The following DENND5B variants were observed in gnomAD, a reference collection of about 807,000 sequenced individuals.
DENND5B encodes DENN domain containing 5B.
A neutral mutation model predicts 140.6 loss-of-function variants in DENND5B; 34 were observed. The ratio of observed to expected loss-of-function variants is 0.24; its 90% CI spans 0.18 to 0.32. DENND5B has a LOEUF of 0.32. Ranked by LOEUF, DENND5B falls within the 10% of genes least tolerant of loss-of-function variation. DENND5B has a pLI of 1.00. For synonymous variants in DENND5B, 551 were observed against 562.1 expected (o/e 0.98, Z 0.28); for missense variants, 1,142 against 1,560.2 (o/e 0.73, Z 4.52).
rs118116448 is a variant in DENND5B at position 31,432,314 on chromosome 12, G to A, written c.2106+841C>T. 4.5e-3 allele frequency: 697 copies of A among 155,688 alleles called. 4 individuals carry two copies. Among genetic ancestry groups the A allele is most frequent in the Non-Finnish European group, 7.4e-3 (526 of 71,308 alleles). 9.6% of individuals were successfully genotyped at this position (155,688 alleles called of 1,614,324 possible). On this transcript the variant is annotated intron_variant, in intron 8 of 20. Transcript: ENST00000389082. Reference sequence around the variant, plus strand: ...AAAAAAAAAGCACTACACAGGTGATGCCTCAGTTCTTAATAAAATGTTTAA... The same window carrying A: ...AAAAAAAAAGCACTACACAGGTGATACCTCAGTTCTTAATAAAATGTTTAA...
chr12:31,444,763 C>T (rs924342727), intron 6 of DENND5B, among the ~76,000 whole-genome samples: 2 of 152,180 alleles, frequency 1.3e-5, no homozygotes, highest in Non-Finnish European at 2.9e-5. Flanking sequence ...TATTAAGGCA[C>T]TGGAAGTCAT....
At chr12:31,425,228 C>T (rs1200897777) in intron 9 of DENND5B, among the ~76,000 whole-genome samples, 1 of 152,194 alleles carries the variant, frequency 6.6e-6, no homozygotes, top group Admixed American at 6.5e-5. Context: ...AGAAGAATTG[C>T]TTGAACCCAG....
chr12:31,549,054 C>T (rs1879385), intron 1 of DENND5B, among the ~76,000 whole-genome samples: 52,438 of 151,942 alleles, frequency 0.35, 10,771 homozygotes, highest in East Asian at 0.57. Context: ...TGCCACTATA[C>T]CTGGCTAATT....
chr12:31,422,794 T>TA (rs1193623595), intron 11 of DENND5B, among the ~76,000 whole-genome samples: 2 of 152,266 alleles, frequency 1.3e-5, no homozygotes, highest in East Asian at 1.9e-4. Context: ...ACACTTAGCT[T>TA]AAAAAATCCT....
intron 1 of DENND5B, among the ~76,000 whole-genome samples, chr12:31,583,308 AAG>A (rs58081768): frequency 2.7e-4 from 40 of 145,492 alleles, no homozygotes; most frequent in East Asian, 8.1e-4. Flanking sequence ...AAAAAAAAAA[AAG>A]AGAGAGAGAG....
At chr12:31,442,478 G>C (rs767225839) in intron 7 of DENND5B, among the ~76,000 whole-genome samples, 1 of 151,902 alleles carries the variant, frequency 6.6e-6, no homozygotes, top group Non-Finnish European at 1.5e-5. Flanking sequence ...AATTCCATTA[G>C]ATAGTATTAT....
chr12:31,389,315 G>T lies in DENND5B; in HGVS notation c.3641+9C>A. ...CAAAGATAGGGAAAATAAAAAACTG[G>T]TTTTGTACCTTGTTCCAAGGCAAAC... On this transcript the variant is annotated intron_variant, in intron 20 of 20. Transcript: ENST00000389082. 1 of 1,609,070 alleles carries T rather than the reference G, an allele frequency of 6.2e-7. No individual in the cohort carries two copies. Among genetic ancestry groups the T allele is most frequent in the Non-Finnish European group, 8.5e-7 (1 of 1,177,524 alleles).
At chr12:31,397,282 C>T (rs888888460) in intron 17 of DENND5B, among the ~76,000 whole-genome samples, 1 of 152,108 alleles carries the variant, frequency 6.6e-6, no homozygotes, top group East Asian at 1.9e-4. Context: ...GGCGTGGTGG[C>T]TCATGCCTCT....
intron 11 of DENND5B, among the ~76,000 whole-genome samples, chr12:31,421,813 A>T (rs1180668977): frequency 6.6e-6 from 1 of 152,050 alleles, no homozygotes; most frequent in Non-Finnish European, 1.5e-5. Flanking sequence ...TGCCCTCCCA[A>T]AGTGTTGGGA....
At chr12:31,468,282 G>T (rs901212982) in intron 3 of DENND5B, among the ~76,000 whole-genome samples, 10 of 151,344 alleles carry the variant, frequency 6.6e-5, no homozygotes, top group African/African-American at 2.2e-4. Context: ...TTTATTTTTA[G>T]AATTCAATGA....
rs1947094474 is a variant in DENND5B at position 31,503,717 on chromosome 12, A to G, written c.128-7798T>C. On this transcript the variant is annotated intron_variant, in intron 1 of 20. Transcript: ENST00000389082. ...CTATGTTCAGGTTATCACTAGGAAT[A>G]TTTACCAATAGTTCCAATTACTTCA... is the stretch of plus-strand genomic sequence containing the variant. 2.0e-5 allele frequency among the ~76,000 whole-genome samples: 3 copies of G among 152,344 alleles called. No individual in the cohort carries two copies. The South Asian group carries it at 6.2e-4, about 32-fold the overall frequency.
intron 3 of DENND5B, among the ~76,000 whole-genome samples, chr12:31,474,182 C>A (rs757143589): frequency 1.1e-4 from 16 of 152,204 alleles, no homozygotes; most frequent in Non-Finnish European, 1.5e-4. Flanking sequence ...CAAAGGCACA[C>A]AGGCATGCAG....
At chr12:31,515,339 T>C (rs533006629) in intron 1 of DENND5B, among the ~76,000 whole-genome samples, 72 of 152,234 alleles carry the variant, frequency 4.7e-4, no homozygotes, top group Non-Finnish European at 9.1e-4. Flanking sequence ...AAAATTGCGA[T>C]TATAATTATA....
chr12:31,397,557 A>AAAAAC, intron 17 of DENND5B, among the ~76,000 whole-genome samples: 1 of 148,276 alleles, frequency 6.7e-6, no homozygotes, highest in Non-Finnish European at 1.5e-5. Flanking sequence ...CACAAAAAAA[A>AAAAAC]AAAAAAAAAA....
At chr12:31,588,815 T>TA (rs1366754851) in intron 1 of DENND5B, among the ~76,000 whole-genome samples, 4 of 152,148 alleles carry the variant, frequency 2.6e-5, no homozygotes, top group Non-Finnish European at 5.9e-5. Flanking sequence ...CCCCAGTGCC[T>TA]AAAAAACCGA....
chr12:31,384,687 G>A lies in DENND5B; in HGVS notation c.*2916C>T, dbSNP rs1673913584. The stretch of plus-strand genomic sequence containing the variant: ...CAAAGGCATGAAGATGAAACTTCAG[G>A]TGTAACTTTTTTGGGGGTATTACTT... On this transcript the variant is annotated 3_prime_UTR_variant, in exon 21 of 21. Coordinates refer to ENST00000389082, the MANE Select transcript of DENND5B (RefSeq NM_144973.4). The A allele has an allele frequency of 6.6e-6, 1 of 152,030 alleles. No individual in the cohort carries two copies. Among genetic ancestry groups the A allele is most frequent in the Non-Finnish European group, 1.5e-5 (1 of 68,036 alleles). 9.4% of individuals were successfully genotyped at this position (152,030 alleles called of 1,614,324 possible). A position where few individuals can be genotyped will look rare whatever the true frequency, so the allele number is the denominator to read the frequency against.
intron 1 of DENND5B, among the ~76,000 whole-genome samples, chr12:31,500,152 C>G (rs1259560796): frequency 6.6e-6 from 1 of 152,126 alleles, no homozygotes; most frequent in Non-Finnish European, 1.5e-5. Flanking sequence ...TCAAAAAGTT[C>G]AAATTTTGGA....
chr12:31,449,312 A>G (rs1944406611), intron 5 of DENND5B, among the ~76,000 whole-genome samples: 1 of 152,248 alleles, frequency 6.6e-6, no homozygotes, highest in Non-Finnish European at 1.5e-5. Context: ...AAGTAGTTCC[A>G]TAGTTCAGGT....
intron 1 of DENND5B, among the ~76,000 whole-genome samples, chr12:31,554,446 T>C (rs1949199575): frequency 6.6e-6 from 1 of 152,232 alleles, no homozygotes; most frequent in Admixed American, 6.5e-5. Context: ...GTTAGTCTGA[T>C]GGGCTTCCCT....
Sources: gnomAD v4.1 joint callset for allele counts (sites outside exome capture counted in the v4.1 genomes callset) on GRCh38, gnomAD v4.1.1 for gene constraint, MANE v1.5 for transcripts, NCBI Gene and HGNC (gene_info 2026-07-23, HGNC 2026-07-21) for gene names.